The following ZNF577 variants were observed in gnomAD, a reference collection of about 807,000 sequenced individuals.
ZNF577 encodes zinc finger protein 577.
ZNF577 carries 14 observed loss-of-function variants against 13.9 expected under a neutral mutation model. The observed-to-expected ratio is 1.00, with a 90% confidence interval of 0.66 to 1.57. ZNF577 has a LOEUF of 1.57. Ranked by LOEUF, ZNF577 falls within the 40% of genes most tolerant of loss-of-function variation. The pLI is 0.00. For synonymous variants in ZNF577, 203 were observed against 202.9 expected, an observed-to-expected ratio of 1.00 and a Z score of 0.00; for missense variants, 555 against 579.2, an observed-to-expected ratio of 0.96 and a Z score of 0.43.
At chr19:51,834,764 G>A (rs765541909) in intron 9 of ZNF577, among the ~76,000 whole-genome samples, 2 of 152,120 alleles carry the variant, frequency 1.3e-5, no homozygotes, top group Non-Finnish European at 2.9e-5. Context: ...GCTCACTGCA[G>A]CTTCAACCTC....
In ZNF577 at chr19:51,868,667, C is replaced by G. The variant is rs1441944859; in HGVS notation, c.*3865G>C. ...CGGCTAAGGTTCTGACTACTACCGTCTTCAACTGCCTTGAACACCCAGATA... is the reference window on the plus strand; with the variant it reads ...CGGCTAAGGTTCTGACTACTACCGTGTTCAACTGCCTTGAACACCCAGATA... On this transcript the variant is annotated 3_prime_UTR_variant, in exon 6 of 6. Coordinates refer to ENST00000638348, the MANE Select transcript of ZNF577 (RefSeq NM_001370449.1). Among the ~76,000 whole-genome samples, 1 of 152,140 alleles carries G rather than the reference C, an allele frequency of 6.6e-6. No homozygotes were observed. Among genetic ancestry groups the G allele is most frequent in the Non-Finnish European group, 1.5e-5 (1 of 68,042 alleles).
downstream of ZNF577, among the ~76,000 whole-genome samples, chr19:51,866,048 G>C (rs757014955): frequency 2.6e-5 from 4 of 151,890 alleles, no homozygotes; most frequent in Non-Finnish European, 4.4e-5. Flanking sequence ...TCGGGAGGCA[G>C]AGATTGCAGT....
rs375998998 is a variant in ZNF577, at chr19:51,877,312, C to T, written c.253G>A (p.Glu85Lys). 6.2e-7 allele frequency: 1 copy of T among 1,614,012 alleles called. No individual in the cohort carries two copies. The highest frequency in any genetic ancestry group is 1.3e-5 in the African/African-American group (1 of 74,898). ...CAGATTTGACTGTGGGCTGCTCCTT[C>T]TGCTATCCCTGGGGGTTCTCCTTGC... ...LEQGEPPGIA[E>K]GAAHSQICPG... is the part of the protein sequence containing the mutation. The change falls in exon 5 of 6, where the codon GAA becomes AAA. Residue 85 changes from glutamate to lysine, a missense_variant. By Grantham distance (56) the Glu-to-Lys change is moderately conservative. Transcript: ENST00000638348.
At chr19:51,838,101 C>T (rs1233225458) in intron 9 of ZNF577, among the ~76,000 whole-genome samples, 1 of 152,212 alleles carries the variant, frequency 6.6e-6, no homozygotes, top group African/African-American at 2.4e-5. Context: ...TGAGCTAAAA[C>T]ATGAGTGTTG....
Position 51,849,717 on chromosome 19 carries a change from C to T in ZNF577, c.284-4786G>A, listed in dbSNP as rs796270294. Among the ~76,000 whole-genome samples the T allele has an allele frequency of 7.2e-5, 11 of 152,296 alleles. No homozygotes were observed. The South Asian group carries it at 1.2e-3, about 17-fold the overall frequency. On this transcript the variant is annotated intron_variant and NMD_transcript_variant, in intron 5 of 10. Transcript: ENST00000638827. ...ACATTCAAAAATGGTACCACTTCTTCGAAAAAGTTTGGCCACTTTTTATGT... is the reference window on the plus strand; with the variant it reads ...ACATTCAAAAATGGTACCACTTCTTTGAAAAAGTTTGGCCACTTTTTATGT...
At chr19:51,882,574 G>A (rs2084878700) in intron 1 of ZNF577, among the ~76,000 whole-genome samples, 1 of 151,934 alleles carries the variant, frequency 6.6e-6, no homozygotes, top group Admixed American at 6.6e-5. Context: ...TTGAGGCCAG[G>A]AGTTCAAAAC....
chr19:51,886,669 T>G (rs909806559), intron 1 of ZNF577, among the ~76,000 whole-genome samples, 152 bp downstream of exon 1: 2 of 152,226 alleles, frequency 1.3e-5, no homozygotes, highest in Non-Finnish European at 2.9e-5. Context: ...ATCACAGTAA[T>G]TATTTATTCA....
exon 11 of ZNF577, chr19:51,804,914 G>T (rs546610496): frequency 2.0e-5 from 3 of 152,260 alleles, no homozygotes; most frequent in East Asian, 1.9e-4. Flanking sequence ...TAGTGAGAAG[G>T]GGGGTGGAAG....
chr19:51,876,867 G>A (rs1393870644), intron 5 of ZNF577, among the ~76,000 whole-genome samples: 2 of 151,034 alleles, frequency 1.3e-5, no homozygotes, highest in Non-Finnish European at 2.9e-5. Flanking sequence ...GGTGGAGGTT[G>A]CAGTGAGCCA....
chr19:51,877,393 C>T lies in ZNF577; in HGVS notation c.188-16G>A. On this transcript the variant is annotated splice_polypyrimidine_tract_variant and intron_variant, in intron 4 of 5. Coordinates refer to ENST00000638348, the MANE Select transcript of ZNF577 (RefSeq NM_001370449.1). ...CCTCGATACCCTGTAAATGGGAGAT[C>T]ACTGAACACTTGGCACGTGTGCTTG... 1.2e-6 allele frequency: 2 copies of T among 1,606,478 alleles called. No individual in the cohort carries two copies. The highest frequency in any genetic ancestry group is 1.7e-6 in the Non-Finnish European group (2 of 1,173,284).
Position 51,824,136 on chromosome 19 carries a change from C to A in ZNF577, c.*600-12462G>T. 1 of 1,613,918 alleles carries A rather than the reference C, an allele frequency of 6.2e-7. No homozygotes were observed. Among genetic ancestry groups the A allele is most frequent in the Non-Finnish European group, 8.5e-7 (1 of 1,179,878 alleles). On this transcript the variant is annotated intron_variant and NMD_transcript_variant, in intron 9 of 10. Transcript: ENST00000638827. The surrounding 1 kb of genome is among the most constrained non-coding windows in gnomAD (Gnocchi z 4.7). ...GGACCGCTGTATTTGTGTCCTGCAT[C>A]CAGCCTGGGCCCAGAACCATCGCAC...
intron 9 of ZNF577, among the ~76,000 whole-genome samples, chr19:51,833,475 T>C (rs912517148): frequency 6.6e-6 from 1 of 152,176 alleles, no homozygotes; most frequent in Non-Finnish European, 1.5e-5. Context: ...TTGCTTCTGT[T>C]CATGGAGAGA....
intron 9 of ZNF577, among the ~76,000 whole-genome samples, chr19:51,821,332 G>A (rs537880764): frequency 5.1e-4 from 78 of 152,240 alleles, no homozygotes; most frequent in African/African-American, 1.8e-3. Context: ...CTCAACTGGG[G>A]GGAGTTTTGC....
intron 9 of ZNF577, among the ~76,000 whole-genome samples, chr19:51,829,871 A>AGCCACTC (rs2084252990): frequency 6.6e-6 from 1 of 152,140 alleles, no homozygotes; most frequent in Non-Finnish European, 1.5e-5. Flanking sequence ...TGTCCCCACT[A>AGCCACTC]GCCACTCAGA....
At chr19:51,805,563 T>C (rs1418889036) in intron 10 of ZNF577, among the ~76,000 whole-genome samples, 1 of 152,234 alleles carries the variant, frequency 6.6e-6, no homozygotes, top group Non-Finnish European at 1.5e-5. Context: ...GTGATTAAAA[T>C]GACAGCGCAA....
chr19:51,878,575 G>A lies in ZNF577; in HGVS notation c.61-60C>T, dbSNP rs1228512707. ...TAACAATAGATGATGCGGAGAAGAG[G>A]GACGGGGACATGTCTTGATCCTTTT... On this transcript the variant is annotated intron_variant, in intron 3 of 5. Coordinates refer to ENST00000638348, the MANE Select transcript of ZNF577 (RefSeq NM_001370449.1). 8 of 1,595,584 alleles carry A rather than the reference G, an allele frequency of 5.0e-6. No individual in the cohort carries two copies. In the East Asian group the frequency reaches 1.6e-4, roughly 31 times the overall value.
chr19:51,853,289 T>G (rs775019138), intron 5 of ZNF577, among the ~76,000 whole-genome samples: 6 of 152,130 alleles, frequency 3.9e-5, no homozygotes, highest in Non-Finnish European at 5.9e-5. Context: ...TTTCTCTAAC[T>G]CAACACCACT....
Position 51,873,163 on chromosome 19 carries a change from C to T in ZNF577, c.827G>A (p.Gly276Glu). Residue 276 changes from glycine (G) to glutamate (E), a missense_variant, in exon 6 of 6, where the codon GGG (glycine) becomes GAG (glutamate). By Grantham distance (98) the Gly-to-Glu change is moderately conservative (BLOSUM62 -2). Transcript: ENST00000638348. ...GTATGCCTTCTGAGAAAAGGCTTTC[C>T]CACACACACTGCACCCATAGAGTTT... ...GEKLYGCSVC[G>E]KAFSQKAYLT... is the part of the protein sequence containing the mutation. 1 of 1,614,090 alleles carries T rather than the reference C, an allele frequency of 6.2e-7. No homozygotes were observed. The highest frequency in any genetic ancestry group is 8.5e-7 in the Non-Finnish European group (1 of 1,180,024).
chr19:51,831,455 T>C (rs1178882452), intron 9 of ZNF577, among the ~76,000 whole-genome samples: 1 of 152,186 alleles, frequency 6.6e-6, no homozygotes, highest in Non-Finnish European at 1.5e-5. Flanking sequence ...CATATCCCAT[T>C]GACTCTATGT....
Sources: gnomAD v4.1 joint callset for allele counts (sites outside exome capture counted in the v4.1 genomes callset) on GRCh38, gnomAD v4.1.1 for gene constraint, Gnocchi (gnomAD v3.1) non-coding constraint, MANE v1.5 for transcripts, NCBI Gene and HGNC (gene_info 2026-07-23, HGNC 2026-07-21) for gene names.